RIMKLB: variants seen among roughly 807,000 people sequenced by gnomAD.
The protein encoded by RIMKLB is beta-citrylglutamate synthase B.
In RIMKLB, 7 loss-of-function variants were observed where a neutral mutation model predicts 32.0. The observed-to-expected ratio is 0.22, with a 90% CI of 0.12 to 0.41. The LOEUF (loss-of-function observed/expected upper bound fraction) is 0.41. Among genes scored for constraint, RIMKLB ranks in the 10% least tolerant of loss-of-function variants. The pLI is 1.00. For synonymous variants in RIMKLB, 172 were observed against 185.1 expected (o/e 0.93, Z 0.57); for missense variants, 289 against 498.7 (o/e 0.58, Z 4.00).
chr12:8,764,124 C>T (rs1949754561), intron 5 of RIMKLB, among the ~76,000 whole-genome samples: 1 of 152,182 alleles, frequency 6.6e-6, no homozygotes, highest in Admixed American at 6.5e-5. Flanking sequence ...GGGGCTACTG[C>T]ATGATTTTAC....
chr12:8,750,629 T>C (rs1186462422), intron 3 of RIMKLB, among the ~76,000 whole-genome samples: 1 of 152,188 alleles, frequency 6.6e-6, no homozygotes, highest in African/African-American at 2.4e-5. Flanking sequence ...AAAAGGGTTT[T>C]TTTTTTTAAA....
chr12:8,709,704 C>T (rs1232707997), intron 1 of RIMKLB, among the ~76,000 whole-genome samples: 4 of 152,256 alleles, frequency 2.6e-5, no homozygotes, highest in Admixed American at 6.5e-5. Flanking sequence ...TCTGTGGTTT[C>T]AGTTACGCCC....
chr12:8,753,857 C>T (rs1453197760), intron 4 of RIMKLB, 33 bp from the exon 5 acceptor site: 2 of 1,557,956 alleles, frequency 1.3e-6, no homozygotes, highest in Admixed American at 1.7e-5. Context: ...CAATTGATGA[C>T]TTAACATGTA....
At chr12:8,679,231 A>G (rs894917961), upstream of RIMKLB, 8 of 152,114 alleles carry the variant, frequency 5.3e-5, no homozygotes, top group African/African-American at 1.9e-4. Context: ...TCCAGGCTGG[A>G]GTGCAGTGGT....
rs1482406264 is a variant in RIMKLB, at chr12:8,697,999, C to G, written c.-355C>G. ...CGGGGTCGCGCGCGCGCGCGGCAGG[C>G]GAGTGAGGGAACGAGGAGCGGCCGG... is the stretch of plus-strand genomic sequence containing the variant. On this transcript the variant is annotated 5_prime_UTR_variant, in exon 1 of 6. Coordinates refer to ENST00000535829, the MANE Select transcript of RIMKLB (RefSeq NM_001297776.2). 6.1e-6 allele frequency: 1 copy of G among 164,578 alleles called. No individual in the cohort carries two copies. Among genetic ancestry groups the G allele is most frequent in the Non-Finnish European group, 1.3e-5 (1 of 74,710 alleles). The allele number at this position is 164,578 out of a possible 1,614,324, so 10.2% of individuals were successfully genotyped here.
chr12:8,716,557 A>G (rs1184552414), intron 2 of RIMKLB, among the ~76,000 whole-genome samples: 5 of 95,896 alleles, frequency 5.2e-5, no homozygotes, highest in Admixed American at 1.2e-4. Context: ...TCATGGCTTC[A>G]TTTTTTTTTT....
At chr12:8,712,311 C>G (rs1944445219) in intron 1 of RIMKLB, among the ~76,000 whole-genome samples, 1 of 152,034 alleles carries the variant, frequency 6.6e-6, no homozygotes, top group South Asian at 2.1e-4. Context: ...ACTTGGGAGG[C>G]TGAGGCAGGA....
intron 5 of RIMKLB, among the ~76,000 whole-genome samples, chr12:8,761,778 G>C (rs971658625): frequency 9.9e-5 from 15 of 152,120 alleles, no homozygotes; most frequent in African/African-American, 3.1e-4. Context: ...AAGTGCTGTT[G>C]GGGAGGTTGG....
intron 5 of RIMKLB, among the ~76,000 whole-genome samples, chr12:8,765,648 A>G (rs1307472565): frequency 6.6e-6 from 1 of 152,160 alleles, no homozygotes; most frequent in Non-Finnish European, 1.5e-5. Flanking sequence ...ACTGGGCCGA[A>G]TTCTCCTCCT....
intron 1 of RIMKLB, among the ~76,000 whole-genome samples, chr12:8,708,130 C>T (rs1255529460): frequency 6.6e-6 from 1 of 152,094 alleles, no homozygotes; most frequent in Admixed American, 6.5e-5. Flanking sequence ...CAGTAGAGTT[C>T]TATACAGATT....
At chr12:8,711,945 A>G (rs959152083) in intron 1 of RIMKLB, among the ~76,000 whole-genome samples, 1 of 152,186 alleles carries the variant, frequency 6.6e-6, no homozygotes, top group Non-Finnish European at 1.5e-5. Context: ...AAGTCGTTCC[A>G]TCAGGTTGAA....
At chr12:8,682,799 AAATT>A (rs1459163763) in intron 1 of RIMKLB, among the ~76,000 whole-genome samples, 2 of 20,570 alleles carry the variant, frequency 9.7e-5, no homozygotes, top group Non-Finnish European at 1.9e-4. Flanking sequence ...AAAAATAAAT[AAATT>A]AAAAAAAAAA....
At chr12:8,752,099 T>C (rs920260430) in intron 4 of RIMKLB, 56 bp downstream of exon 4, 7 of 1,104,252 alleles carry the variant, frequency 6.3e-6, no homozygotes, top group African/African-American at 1.6e-5. Flanking sequence ...TGCTTATTAA[T>C]ATGGAGTGAC....
upstream of RIMKLB, among the ~76,000 whole-genome samples, chr12:8,695,004 CTT>C (rs1034751551): frequency 1.3e-5 from 2 of 152,156 alleles, no homozygotes; most frequent in African/African-American, 4.8e-5. Context: ...ATCCTTCTAT[CTT>C]AATAAAGTGG....
chr12:8,704,055 A>G (rs1943638527), intron 1 of RIMKLB, among the ~76,000 whole-genome samples: 1 of 152,174 alleles, frequency 6.6e-6, no homozygotes, highest in South Asian at 2.1e-4. Context: ...TCCTCACATT[A>G]TTATATACAG....
chr12:8,732,188 A>C (rs1417516404), intron 2 of RIMKLB, among the ~76,000 whole-genome samples: 1 of 152,116 alleles, frequency 6.6e-6, no homozygotes, highest in Non-Finnish European at 1.5e-5. Context: ...ATAAATGGGC[A>C]CAGGTCTGTA....
chr12:8,711,268 C>T (rs1203152198), intron 1 of RIMKLB, among the ~76,000 whole-genome samples: 1 of 151,774 alleles, frequency 6.6e-6, no homozygotes, highest in Non-Finnish European at 1.5e-5. Context: ...ATGTGATTTG[C>T]TCCTGTCATC....
At chr12:8,753,590 G>C (rs755159046) in intron 4 of RIMKLB, among the ~76,000 whole-genome samples, 1 of 152,132 alleles carries the variant, frequency 6.6e-6, no homozygotes, top group African/African-American at 2.4e-5. Flanking sequence ...TAGTGAATAA[G>C]GTTTCATTAT....
intron 5 of RIMKLB, among the ~76,000 whole-genome samples, chr12:8,762,855 C>T (rs544824497): frequency 3.7e-4 from 57 of 152,206 alleles, no homozygotes; most frequent in African/African-American, 1.1e-3. Flanking sequence ...AAGTTGAGGT[C>T]GGGATCAGTC....
Sources: allele counts gnomAD v4.1 joint callset (sites outside exome capture counted in the v4.1 genomes callset), GRCh38; gene constraint gnomAD v4.1.1; transcripts MANE v1.5; gene names NCBI Gene and HGNC (gene_info 2026-07-23, HGNC 2026-07-21).